The following ERO1B variants were observed in gnomAD, a reference collection of about 807,000 sequenced individuals.
ERO1B encodes the protein ERO1-like protein beta.
A neutral mutation model predicts 75.3 loss-of-function variants in ERO1B; 49 were observed. The ratio of observed to expected loss-of-function variants is 0.65; its 90% CI spans 0.52 to 0.83. The LOEUF is 0.83. ERO1B is among the 40% of genes least tolerant of loss of function. The pLI, the probability that ERO1B is intolerant of heterozygous loss-of-function variation, is 0.00. For missense variants in ERO1B, 512 were observed against 560.1 expected (o/e 0.91, Z 0.87); for synonymous variants, 191 against 192.9 (o/e 0.99, Z 0.08).
chr1:236,250,571 C>CCA (rs1664992325), intron 4 of ERO1B, among the ~76,000 whole-genome samples: 2 of 49,818 alleles, frequency 4.0e-5, no homozygotes, highest in African/African-American at 7.1e-5. Flanking sequence ...GTAAATTTGA[C>CCA]CATATATATA....
chr1:236,262,516 C>T (rs1049904195), intron 2 of ERO1B, among the ~76,000 whole-genome samples: 1 of 152,160 alleles, frequency 6.6e-6, no homozygotes, highest in African/African-American at 2.4e-5. Flanking sequence ...GATTCTCCTG[C>T]CTCAGCCTCC....
chr1:236,233,460 T>C (rs189746568), intron 8 of ERO1B, among the ~76,000 whole-genome samples: 14 of 151,726 alleles, frequency 9.2e-5, no homozygotes, highest in African/African-American at 3.4e-4. Context: ...TAGCCAGGCG[T>C]GGTGACCGGC....
At chr1:236,274,908 C>T (rs967034416) in intron 1 of ERO1B, among the ~76,000 whole-genome samples, 8 of 152,154 alleles carry the variant, frequency 5.3e-5, no homozygotes, top group African/African-American at 1.9e-4. Flanking sequence ...GGGCTGCTAA[C>T]CATTTAAAAT....
In ERO1B at chr1:236,239,835, G is replaced by GTATATATA. The variant is rs764354290; in HGVS notation, c.506-3438_506-3437insTATATATA. Among the ~76,000 whole-genome samples, 84 of 42,298 alleles carry GTATATATA rather than the reference G, an allele frequency of 2.0e-3. 3 individuals carry two copies. Among genetic ancestry groups the GTATATATA allele is most frequent in the African/African-American group, 2.7e-3 (57 of 20,846 alleles). The allele number at this position is 42,298 out of a possible 152,430, so 27.7% of individuals were successfully genotyped here. A position where few individuals can be genotyped will look rare whatever the true frequency, so the allele number is the denominator to read the frequency against. ...TGTATATATATATGTGTATATATATGTGTATATATATATGTGTATATATGT... is the reference window on the plus strand; with the variant it reads ...TGTATATATATATGTGTATATATATGTATATATATGTATATATATATGTGTATATATGT... On this transcript the variant is annotated intron_variant, in intron 6 of 15. Coordinates refer to ENST00000354619, the MANE Select transcript of ERO1B (RefSeq NM_019891.4).
At chr1:236,223,951 A>G (rs1664219099) in intron 13 of ERO1B, among the ~76,000 whole-genome samples, 1 of 152,194 alleles carries the variant, frequency 6.6e-6, no homozygotes, top group Non-Finnish European at 1.5e-5. Flanking sequence ...ATCACTCAGT[A>G]TTGATTTATT....
chr1:236,269,816 A>T (rs1423894507), intron 2 of ERO1B, 59 bp downstream of exon 2: 1 of 1,361,118 alleles, frequency 7.3e-7, no homozygotes, highest in East Asian at 2.4e-5. Flanking sequence ...TTTCAAAAGG[A>T]TCATAAAGGT....
chr1:236,228,426 C>T (rs773143992), intron 10 of ERO1B, among the ~76,000 whole-genome samples: 3 of 152,162 alleles, frequency 2.0e-5, no homozygotes, highest in Non-Finnish European at 4.4e-5. Flanking sequence ...ACAGTCTGTG[C>T]CAGGCTGGAT....
At chr1:236,280,153 A>G (rs1292640926) in intron 1 of ERO1B, among the ~76,000 whole-genome samples, 1 of 152,240 alleles carries the variant, frequency 6.6e-6, no homozygotes, top group African/African-American at 2.4e-5. Flanking sequence ...TGAAATTATA[A>G]AACATTAATT....
rs1167059348 is a variant in ERO1B, at chr1:236,219,483, A to G, written c.1344-907T>C. Among the ~76,000 whole-genome samples, 6 of 152,190 alleles carry G rather than the reference A, an allele frequency of 3.9e-5. No homozygotes were observed. The East Asian group carries it at 1.2e-3, about 29-fold the overall frequency. On this transcript the variant is annotated intron_variant, in intron 15 of 15. Coordinates refer to ENST00000354619, the MANE Select transcript of ERO1B (RefSeq NM_019891.4). ...TGTTTTGAAATTCTCAATTGTTTTC[A>G]TCTTTCTCAATTTAATTTGGACTTA...
intron 13 of ERO1B, among the ~76,000 whole-genome samples, chr1:236,223,202 C>CAAAAA (rs11322079): frequency 4.9e-5 from 4 of 80,920 alleles, no homozygotes; most frequent in African/African-American, 9.5e-5. Context: ...AACTCTGTCT[C>CAAAAA]AAAAAAAAAA....
chr1:236,265,043 TTC>T (rs1213972604), intron 2 of ERO1B, among the ~76,000 whole-genome samples: 2 of 76,798 alleles, frequency 2.6e-5, no homozygotes, highest in Non-Finnish European at 6.5e-5. Flanking sequence ...AGTTATTTTT[TTC>T]TCTTTTTTTT....
At chr1:236,246,479 C>T (rs1271023490) in intron 5 of ERO1B, among the ~76,000 whole-genome samples, 1 of 152,050 alleles carries the variant, frequency 6.6e-6, no homozygotes, top group Non-Finnish European at 1.5e-5. Flanking sequence ...ACTGTATCCA[C>T]CAAAATATTT....
chr1:236,236,247 C>T (rs200917106), intron 7 of ERO1B, 31 bp downstream of exon 7: 162 of 1,612,172 alleles, frequency 1.0e-4, no homozygotes, highest in Middle Eastern at 1.7e-4. Context: ...CTCTATCAGT[C>T]GTTCCTTCTT....
Position 236,220,913 on chromosome 1 carries a change from TG to T in ERO1B, c.1261del (p.Gln421LysfsTer19), listed in dbSNP as rs1255578005. The stretch of plus-strand genomic sequence containing the variant: ...AGATGGACTATTCTCTGGAAGCTTT[TG>T]GATTTCTTTTTCAGAGAATAATATC... Reference protein sequence around the residue: ...LKILFSEKEIQKLPENSPSKG... With the variant: ...LKILFSEKEIXKLPENSPSKG... On this transcript the variant is annotated frameshift_variant, in exon 15 of 16. Coordinates refer to ENST00000354619, the MANE Select transcript of ERO1B (RefSeq NM_019891.4). LOFTEE classifies it high-confidence loss of function. 7 of 1,604,222 alleles carry T rather than the reference TG, an allele frequency of 4.4e-6. No homozygotes were observed. In the Admixed American group the frequency reaches 5.1e-5, roughly 12 times the overall value.
intron 7 of ERO1B, 144 bp downstream of exon 7, chr1:236,236,134 C>T (rs1664537001): frequency 2.0e-6 from 2 of 1,016,446 alleles, no homozygotes; most frequent in African/African-American, 1.6e-5. Flanking sequence ...ACCATGTTGG[C>T]CAGGCTGGTC....
chr1:236,250,601 A>ATAT (rs1553372700), intron 4 of ERO1B, among the ~76,000 whole-genome samples: 102 of 63,930 alleles, frequency 1.6e-3, no homozygotes, highest in African/African-American at 5.6e-3. Flanking sequence ...ATATATATAT[A>ATAT]TATATATATA....
chr1:236,269,614 T>C (rs1665544079), intron 2 of ERO1B, among the ~76,000 whole-genome samples: 1 of 152,178 alleles, frequency 6.6e-6, no homozygotes, highest in African/African-American at 2.4e-5. Flanking sequence ...AGTAAGTCTG[T>C]GGCATTTTCA....
intron 8 of ERO1B, among the ~76,000 whole-genome samples, chr1:236,233,082 G>A (rs1264078233): frequency 6.6e-6 from 1 of 151,798 alleles, no homozygotes; most frequent in Non-Finnish European, 1.5e-5. Flanking sequence ...GGCCAAGGTG[G>A]GTGGATCACC....
At chr1:236,274,749 A>AT (rs201596677) in intron 1 of ERO1B, among the ~76,000 whole-genome samples, 26 of 137,698 alleles carry the variant, frequency 1.9e-4, no homozygotes, top group Admixed American at 1.6e-3. Context: ...TAGAAGAAAA[A>AT]AAAAAGACAG....
Sources: gnomAD v4.1 joint callset for allele counts (sites outside exome capture counted in the v4.1 genomes callset) on GRCh38, gnomAD v4.1.1 for gene constraint, MANE v1.5 for transcripts, NCBI Gene and HGNC (gene_info 2026-07-23, HGNC 2026-07-21) for gene names.